The following ADAMTS6 variants were observed in gnomAD, a reference collection of about 807,000 sequenced individuals.
ADAMTS6 encodes the protein A disintegrin and metalloproteinase with thrombospondin motifs 6.
A neutral mutation model predicts 144.3 loss-of-function variants in ADAMTS6; 23 were observed. That is an observed-to-expected ratio of 0.16 (90% CI 0.11 to 0.23). ADAMTS6 has a LOEUF of 0.23. Ranked by LOEUF, ADAMTS6 falls within the 10% of genes least tolerant of loss-of-function variation. ADAMTS6 has a pLI of 1.00. For synonymous variants in ADAMTS6, 444 were observed against 457.5 expected (o/e 0.97, Z 0.38); for missense variants, 999 against 1,379.6 (o/e 0.72, Z 4.37).
intron 7 of ADAMTS6, among the ~76,000 whole-genome samples, chr5:65,348,730 A>G (rs1327358982): frequency 6.6e-6 from 1 of 152,146 alleles, no homozygotes; most frequent in Admixed American, 6.6e-5. Flanking sequence ...ATGAATATAT[A>G]CATATATCAG....
At chr5:65,263,084 G>A in intron 12 of ADAMTS6, 122 bp from the exon 13 acceptor site, 2 of 1,224,638 alleles carry the variant, frequency 1.6e-6, no homozygotes, top group East Asian at 5.1e-5. Context: ...ATTGATAACA[G>A]ACAGATAGTT....
At chr5:65,405,778 G>C (rs1161675685) in intron 7 of ADAMTS6, among the ~76,000 whole-genome samples, 2 of 152,148 alleles carry the variant, frequency 1.3e-5, no homozygotes, top group African/African-American at 4.8e-5. Context: ...CTATCCATGA[G>C]CATGGAATGT....
intron 7 of ADAMTS6, among the ~76,000 whole-genome samples, chr5:65,428,287 A>T (rs1756725649): frequency 6.6e-6 from 1 of 152,108 alleles, no homozygotes; most frequent in South Asian, 2.1e-4. Context: ...GTTTTAAGAA[A>T]TCATTTGTGA....
At chr5:65,285,806 A>G (rs865795727) in intron 11 of ADAMTS6, among the ~76,000 whole-genome samples, 29 of 152,234 alleles carry the variant, frequency 1.9e-4, no homozygotes, top group Non-Finnish European at 2.1e-4. Context: ...ACATGATCAC[A>G]CTTAATAAGT....
At chr5:65,475,378 T>A (rs1426815103) in intron 1 of ADAMTS6, among the ~76,000 whole-genome samples, 1 of 152,200 alleles carries the variant, frequency 6.6e-6, no homozygotes, top group Non-Finnish European at 1.5e-5. Context: ...TCCTACTATG[T>A]TTAAAAGATG....
intron 15 of ADAMTS6, among the ~76,000 whole-genome samples, chr5:65,239,083 C>G (rs1014909190): frequency 6.6e-6 from 1 of 151,684 alleles, no homozygotes; most frequent in Non-Finnish European, 1.5e-5. Context: ...CACTTGGACA[C>G]AGGGAGGGGA....
At chr5:65,359,305 G>A (rs1291311297) in intron 7 of ADAMTS6, among the ~76,000 whole-genome samples, 2 of 151,848 alleles carry the variant, frequency 1.3e-5, no homozygotes, top group Non-Finnish European at 2.9e-5. Flanking sequence ...ACATAGGAAG[G>A]AATATTCAAC....
intron 14 of ADAMTS6, among the ~76,000 whole-genome samples, chr5:65,246,840 C>T (rs10940021): frequency 0.13 from 19,695 of 151,786 alleles, 1,360 homozygotes; most frequent in African/African-American, 0.15. Context: ...TCTGAATTTG[C>T]GTTGATTAAA....
chr5:65,425,272 C>T, intron 7 of ADAMTS6, among the ~76,000 whole-genome samples: 2 of 152,214 alleles, frequency 1.3e-5, no homozygotes, highest in African/African-American at 4.8e-5. Context: ...AGGTGATCCG[C>T]CAGCCTCAGC....
chr5:65,206,168 A>AT (rs1193637713), intron 20 of ADAMTS6, among the ~76,000 whole-genome samples: 1 of 152,164 alleles, frequency 6.6e-6, no homozygotes, highest in Non-Finnish European at 1.5e-5. Flanking sequence ...AGTATCTCTA[A>AT]TTTTAAAAAT....
intron 20 of ADAMTS6, among the ~76,000 whole-genome samples, chr5:65,202,950 G>C (rs1290793254): frequency 6.6e-6 from 1 of 152,104 alleles, no homozygotes; most frequent in East Asian, 1.9e-4. Context: ...TTCTATAAAA[G>C]TTGCCTTCTC....
chr5:65,272,732 C>T (rs984836759), intron 12 of ADAMTS6, among the ~76,000 whole-genome samples: 1 of 151,824 alleles, frequency 6.6e-6, no homozygotes. Flanking sequence ...CCAGCCCGGG[C>T]AACATGGTGA....
At chr5:65,236,735 C>T in intron 15 of ADAMTS6, among the ~76,000 whole-genome samples, 1 of 151,720 alleles carries the variant, frequency 6.6e-6, no homozygotes, top group East Asian at 1.9e-4. Flanking sequence ...GAACTAAAAG[C>T]TATAAAATAT....
chr5:65,224,173 T>C, intron 18 of ADAMTS6, 147 bp downstream of exon 18: 2 of 652,460 alleles, frequency 3.1e-6, no homozygotes, highest in Non-Finnish European at 5.4e-6. Flanking sequence ...TAGCATTGTA[T>C]ATGTGTTCTA....
chr5:65,346,198 T>C (rs1748301992), intron 7 of ADAMTS6, among the ~76,000 whole-genome samples: 1 of 151,806 alleles, frequency 6.6e-6, no homozygotes, highest in African/African-American at 2.4e-5. Flanking sequence ...AAAAGAAAAT[T>C]ACAGGCAAAT....
intron 22 of ADAMTS6, among the ~76,000 whole-genome samples, chr5:65,180,109 A>G (rs1054614933): frequency 3.3e-5 from 5 of 152,182 alleles, no homozygotes; most frequent in African/African-American, 1.2e-4. Flanking sequence ...GGATGAGGCT[A>G]TCTAGGTGAA....
chr5:65,273,496 A>G, intron 11 of ADAMTS6, 49 bp from the exon 12 acceptor site: 1 of 1,444,128 alleles, frequency 6.9e-7, no homozygotes, highest in East Asian at 2.3e-5. Context: ...GTCATGTCCA[A>G]TTCTTCCATA....
intron 7 of ADAMTS6, among the ~76,000 whole-genome samples, chr5:65,355,062 A>G (rs1266103154): frequency 1.3e-5 from 2 of 151,640 alleles, no homozygotes; most frequent in Admixed American, 6.6e-5. Context: ...AAAATAGTTA[A>G]CTTTCATTTT....
chr5:65,469,399 T>C (rs1000973421), intron 3 of ADAMTS6, among the ~76,000 whole-genome samples: 5 of 152,234 alleles, frequency 3.3e-5, no homozygotes, highest in Non-Finnish European at 5.9e-5. Context: ...GCATAATTAA[T>C]GTTAATGCCA....
Sources: gnomAD v4.1 joint callset for allele counts (sites outside exome capture counted in the v4.1 genomes callset) on GRCh38, gnomAD v4.1.1 for gene constraint, MANE v1.5 for transcripts, NCBI Gene and HGNC (gene_info 2026-07-23, HGNC 2026-07-21) for gene names.